The following CTDSPL2 variants were observed in gnomAD, a reference collection of about 807,000 sequenced individuals.
CTDSPL2 encodes the protein CTD small phosphatase like 2, also known as CTD small phosphatase-like protein 2.
In CTDSPL2, 5 loss-of-function variants were observed where a neutral mutation model predicts 60.0. The observed-to-expected ratio is 0.08, with a 90% CI of 0.04 to 0.18. The LOEUF (loss-of-function observed/expected upper bound fraction) is 0.18, where lower values mean the gene tolerates loss of function less well. Ranked by LOEUF, CTDSPL2 falls within the 10% of genes least tolerant of loss-of-function variation. CTDSPL2 has a pLI of 1.00. For synonymous variants in CTDSPL2, 186 were observed against 189.3 expected (o/e 0.98, Z 0.14); for missense variants, 370 against 548.8 (o/e 0.67, Z 3.26).
At chr15:44,437,709 C>T (rs887154292) in intron 1 of CTDSPL2, among the ~76,000 whole-genome samples, 19 of 152,058 alleles carry the variant, frequency 1.2e-4, no homozygotes, top group African/African-American at 3.6e-4. Context: ...ATTATGGATC[C>T]AGCATCTACC....
intron 1 of CTDSPL2, among the ~76,000 whole-genome samples, chr15:44,453,279 C>G (rs937567283): frequency 1.2e-4 from 19 of 152,032 alleles, no homozygotes; most frequent in African/African-American, 4.3e-4. Flanking sequence ...GTGGGTTTTT[C>G]ATAAATACCT....
intron 8 of CTDSPL2, among the ~76,000 whole-genome samples, chr15:44,505,344 C>T (rs542374598): frequency 6.0e-4 from 92 of 152,106 alleles, no homozygotes; most frequent in Non-Finnish European, 1.1e-3. Context: ...ATCACCGGAA[C>T]CCCGAGAGCT....
chr15:44,475,252 T>C lies in CTDSPL2; in HGVS notation c.187-8972T>C, dbSNP rs970912849. 3.3e-5 allele frequency among the ~76,000 whole-genome samples: 5 copies of C among 152,302 alleles called. No individual in the cohort carries two copies. The East Asian group carries it at 9.6e-4, about 29-fold the overall frequency. ...GAGGGCATGCTTCTTTTACTGACTT[T>C]TTATCTAGCAGACTTTCAGCACTAT... On this transcript the variant is annotated intron_variant, in intron 2 of 12. Transcript: ENST00000260327.
chr15:44,476,900 A>G (rs1051192732), intron 2 of CTDSPL2, among the ~76,000 whole-genome samples: 3 of 152,228 alleles, frequency 2.0e-5, no homozygotes, highest in Non-Finnish European at 4.4e-5. Context: ...AGCAGGTACA[A>G]CTAGATAATT....
At chr15:44,509,280 C>T (rs1337532771) in intron 8 of CTDSPL2, among the ~76,000 whole-genome samples, 1 of 152,024 alleles carries the variant, frequency 6.6e-6, no homozygotes, top group African/African-American at 2.4e-5. Flanking sequence ...CAGCTCAGTG[C>T]AACCTCCACC....
At chr15:44,474,365 C>T (rs1020997592) in intron 2 of CTDSPL2, among the ~76,000 whole-genome samples, 1 of 152,156 alleles carries the variant, frequency 6.6e-6, no homozygotes, top group African/African-American at 2.4e-5. Context: ...GTGGTACACG[C>T]CTGTAGTCCC....
At chr15:44,435,409 A>C (rs1048558849) in intron 1 of CTDSPL2, among the ~76,000 whole-genome samples, 1 of 151,794 alleles carries the variant, frequency 6.6e-6, no homozygotes, top group Non-Finnish European at 1.5e-5. Flanking sequence ...GTCTCTACCA[A>C]AAATACAAAA....
intron 1 of CTDSPL2, among the ~76,000 whole-genome samples, chr15:44,429,377 T>A (rs2079811174): frequency 6.6e-6 from 1 of 152,188 alleles, no homozygotes; most frequent in Non-Finnish European, 1.5e-5. Context: ...TCTTAAATCA[T>A]TGGTCTAGTG....
At chr15:44,512,799 C>G (rs1333469572) in intron 8 of CTDSPL2, among the ~76,000 whole-genome samples, 1 of 152,072 alleles carries the variant, frequency 6.6e-6, no homozygotes, top group Non-Finnish European at 1.5e-5. Context: ...ATCATCAAGA[C>G]TGATAGGATT....
chr15:44,466,917 T>G (rs2080707611), intron 2 of CTDSPL2, among the ~76,000 whole-genome samples: 1 of 152,048 alleles, frequency 6.6e-6, no homozygotes, highest in African/African-American at 2.4e-5. Context: ...CCAGCCTGGG[T>G]GACACAGCGC....
At chr15:44,441,986 G>A (rs1460994414) in intron 1 of CTDSPL2, among the ~76,000 whole-genome samples, 2 of 152,186 alleles carry the variant, frequency 1.3e-5, no homozygotes, top group African/African-American at 2.4e-5. Context: ...ATAGTGGAAA[G>A]AGAGACTCCC....
chr15:44,505,090 G>GACAAAAA, intron 8 of CTDSPL2, among the ~76,000 whole-genome samples: 2 of 151,910 alleles, frequency 1.3e-5, no homozygotes, highest in Non-Finnish European at 2.9e-5. Flanking sequence ...TATTTTATGG[G>GACAAAAA]GATTCTTTGT....
chr15:44,510,487 C>T (rs962114696), intron 8 of CTDSPL2, among the ~76,000 whole-genome samples: 1 of 151,874 alleles, frequency 6.6e-6, no homozygotes, highest in Non-Finnish European at 1.5e-5. Context: ...ATTTGGTTTA[C>T]TGAGAAAATA....
At chr15:44,450,711 C>G (rs917271468) in intron 1 of CTDSPL2, among the ~76,000 whole-genome samples, 1 of 149,800 alleles carries the variant, frequency 6.7e-6, no homozygotes, top group African/African-American at 2.5e-5. Context: ...ATTCTCCTGC[C>G]TCAGCCTCCA....
intron 8 of CTDSPL2, among the ~76,000 whole-genome samples, chr15:44,513,635 C>CCACAAGGT (rs1203538645): frequency 1.3e-5 from 2 of 152,148 alleles, no homozygotes; most frequent in Non-Finnish European, 2.9e-5. Flanking sequence ...TTTGTTGCTA[C>CCACAAGGT]CACAAGGTGT....
chr15:44,444,616 G>A (rs889533470), intron 1 of CTDSPL2, among the ~76,000 whole-genome samples: 2 of 151,826 alleles, frequency 1.3e-5, no homozygotes, highest in African/African-American at 4.8e-5. Context: ...AAAGTACTGA[G>A]ATTACTGGTG....
intron 1 of CTDSPL2, chr15:44,448,161 G>T: frequency 3.9e-6 from 1 of 258,320 alleles, no homozygotes. Context: ...TGTGCTCAAT[G>T]GTTTGGTCCA....
At chr15:44,505,689 G>A (rs1435787076) in intron 8 of CTDSPL2, among the ~76,000 whole-genome samples, 4 of 149,104 alleles carry the variant, frequency 2.7e-5, no homozygotes, top group Non-Finnish European at 5.9e-5. Context: ...AGCCGAAATC[G>A]CACCATTGCA....
chr15:44,478,976 A>G (rs746227547), intron 2 of CTDSPL2, among the ~76,000 whole-genome samples: 3 of 152,156 alleles, frequency 2.0e-5, no homozygotes, highest in Non-Finnish European at 2.9e-5. Flanking sequence ...CAAATAAAAA[A>G]TAATAAAACG....
Sources: gnomAD v4.1 joint callset for allele counts (sites outside exome capture counted in the v4.1 genomes callset) on GRCh38, gnomAD v4.1.1 for gene constraint, MANE v1.5 for transcripts, NCBI Gene and HGNC (gene_info 2026-07-23, HGNC 2026-07-21) for gene names.